CELF2: variants seen among roughly 807,000 people sequenced by gnomAD.
CELF2 encodes the protein CUG triplet repeat RNA-binding protein 2.
In CELF2, 8 loss-of-function variants were observed where a neutral mutation model predicts 62.6. The ratio of observed to expected loss-of-function variants is 0.13; its 90% CI spans 0.07 to 0.23. CELF2 has a LOEUF of 0.23. Among genes scored for constraint, CELF2 ranks in the 10% least tolerant of loss-of-function variants. The pLI, the probability that CELF2 is intolerant of heterozygous loss-of-function variation, is 1.00. For synonymous variants in CELF2, 258 were observed against 250.0 expected, an observed-to-expected ratio of 1.03 and a Z score of -0.30; for missense variants, 333 against 671.0, an observed-to-expected ratio of 0.50 and a Z score of 5.56.
intron 1 of CELF2, among the ~76,000 whole-genome samples, chr10:10,829,992 C>T (rs147226184): frequency 0.016 from 2,455 of 152,108 alleles, 76 homozygotes; most frequent in African/African-American, 0.055. Context: ...TTCTCTTCCC[C>T]CACCAACCCC....
chr10:10,679,738 T>C, the CELF2 span, among the ~76,000 whole-genome samples: 1 of 152,252 alleles, frequency 6.6e-6, no homozygotes, highest in African/African-American at 2.4e-5. Context: ...GTTACTTATA[T>C]TACTCTTTTA....
chr10:10,480,208 C>T, the CELF2 span, among the ~76,000 whole-genome samples: 1 of 152,194 alleles, frequency 6.6e-6, no homozygotes, highest in East Asian at 1.9e-4. Context: ...CAGTAAAGAG[C>T]GTTTCTGTGA....
intron 7 of CELF2, among the ~76,000 whole-genome samples, chr10:11,272,636 A>G (rs1315824273): frequency 6.6e-6 from 1 of 152,252 alleles, no homozygotes; most frequent in East Asian, 1.9e-4. Flanking sequence ...AGCCTGATTT[A>G]TAGAAACATG....
chr10:11,108,859 C>T (rs1038163960), intron 1 of CELF2, among the ~76,000 whole-genome samples: 1 of 152,208 alleles, frequency 6.6e-6, no homozygotes, highest in Non-Finnish European at 1.5e-5. Flanking sequence ...ATTACCTGTT[C>T]ACATCGTATG....
At chr10:11,038,679 C>T (rs1024328003) in intron 1 of CELF2, among the ~76,000 whole-genome samples, 8 of 152,112 alleles carry the variant, frequency 5.3e-5, no homozygotes, top group Non-Finnish European at 1.0e-4. Flanking sequence ...ATACACATTA[C>T]ACATATATAT....
At chr10:11,013,392 CA>C (rs1346275262), upstream of CELF2, among the ~76,000 whole-genome samples, 3 of 152,200 alleles carry the variant, frequency 2.0e-5, no homozygotes, top group Non-Finnish European at 2.9e-5. This position sits in a 1 kb window ranked among gnomAD's most constrained non-coding sequence, Gnocchi z 4.1. Flanking sequence ...GAGAGATCCA[CA>C]GTGCTAACAT....
At chr10:10,867,360 A>T (rs935658045) in intron 1 of CELF2, among the ~76,000 whole-genome samples, 22 of 152,236 alleles carry the variant, frequency 1.4e-4, no homozygotes, top group African/African-American at 5.3e-4. Flanking sequence ...GTTACTGACA[A>T]GTGGAAATAT....
At chr10:10,832,529 C>A (rs1490978599) in intron 1 of CELF2, among the ~76,000 whole-genome samples, 1 of 152,158 alleles carries the variant, frequency 6.6e-6, no homozygotes, top group Non-Finnish European at 1.5e-5. Context: ...TGGACAAATG[C>A]CATGTTTATA....
At chr10:10,489,269 A>G in the CELF2 span, among the ~76,000 whole-genome samples, 3 of 152,158 alleles carry the variant, frequency 2.0e-5, no homozygotes, top group African/African-American at 7.2e-5. Flanking sequence ...TAGAGAGTCC[A>G]GATATGTTAG....
intron 2 of CELF2, among the ~76,000 whole-genome samples, chr10:10,975,703 T>C (rs1298198722): frequency 1.3e-5 from 2 of 152,344 alleles, no homozygotes; most frequent in South Asian, 2.1e-4. Context: ...TTCACATATA[T>C]GGTGGAAGGC....
the CELF2 span, among the ~76,000 whole-genome samples, chr10:10,712,051 G>A: frequency 6.7e-6 from 1 of 149,568 alleles, no homozygotes; most frequent in Admixed American, 6.7e-5. Context: ...GAATAGTTTG[G>A]GAGCCACTTT....
the CELF2 span, among the ~76,000 whole-genome samples, chr10:10,751,237 T>C: frequency 6.6e-6 from 1 of 152,172 alleles, no homozygotes; most frequent in Non-Finnish European, 1.5e-5. Context: ...TGTCCTTTTG[T>C]GAAAAATAAG....
chr10:11,317,526 T>A (rs2095110468), intron 10 of CELF2: 1 of 152,218 alleles, frequency 6.6e-6, no homozygotes, highest in Non-Finnish European at 1.5e-5. Context: ...CCCAGTGAAG[T>A]GGTTACAAAT....
At chr10:10,472,711 T>C in the CELF2 span, among the ~76,000 whole-genome samples, 1 of 151,976 alleles carries the variant, frequency 6.6e-6, no homozygotes, top group Non-Finnish European at 1.5e-5. Flanking sequence ...CTTGCTCTGT[T>C]ATTACAGTAT....
At chr10:10,463,288 G>A in the CELF2 span, among the ~76,000 whole-genome samples, 1 of 152,114 alleles carries the variant, frequency 6.6e-6, no homozygotes, top group Non-Finnish European at 1.5e-5. Context: ...TGCCTGGAAC[G>A]GCTGCTGAGA....
At chr10:10,740,102 CAGA>C in the CELF2 span, among the ~76,000 whole-genome samples, 1 of 147,746 alleles carries the variant, frequency 6.8e-6, no homozygotes, top group Non-Finnish European at 1.5e-5. Flanking sequence ...CTTTGCTATG[CAGA>C]AGTTTCTTTA....
intron 1 of CELF2, among the ~76,000 whole-genome samples, chr10:11,090,340 G>T (rs967678148): frequency 6.6e-6 from 1 of 152,146 alleles, no homozygotes; most frequent in Non-Finnish European, 1.5e-5. Flanking sequence ...TTTCCTCCCA[G>T]ATTGAAGGAC....
In CELF2 at chr10:10,931,587, C is replaced by T. The variant is rs756982131; in HGVS notation, c.89+11588C>T. ...GCCCCTAATTCATCATTGGGCACCA[C>T]GGCACCCCTTCCAAAGTAAAGAAAA... On this transcript the variant is annotated intron_variant, in intron 2 of 13. Coordinates refer to the CELF2 transcript ENST00000636488. This position sits in a 1 kb window ranked among gnomAD's most constrained non-coding sequence, Gnocchi z 6.1. 1.8e-4 allele frequency among the ~76,000 whole-genome samples: 28 copies of T among 152,168 alleles called. No individual in the cohort carries two copies. Among genetic ancestry groups the T allele is most frequent in the South Asian group, 6.2e-4 (3 of 4,832 alleles).
the CELF2 span, among the ~76,000 whole-genome samples, chr10:10,484,406 C>T: frequency 7.4e-6 from 1 of 135,214 alleles, no homozygotes; most frequent in Admixed American, 7.7e-5. Flanking sequence ...AACCTCTGCC[C>T]CCTGGGTTCA....
Sources: allele counts gnomAD v4.1 joint callset (sites outside exome capture counted in the v4.1 genomes callset), GRCh38; gene constraint gnomAD v4.1.1; non-coding constraint Gnocchi (gnomAD v3.1); transcripts MANE v1.5; gene names NCBI Gene and HGNC (gene_info 2026-07-23, HGNC 2026-07-21).